The following NFX1 variants were observed in gnomAD, a reference collection of about 807,000 sequenced individuals.
NFX1 encodes the protein nuclear transcription factor, X-box binding 1.
Under a neutral mutation model 137.2 loss-of-function variants are expected in NFX1, and 69 were observed. The observed-to-expected ratio is 0.50, with a 90% CI of 0.41 to 0.61. The LOEUF (loss-of-function observed/expected upper bound fraction) is 0.61, where lower values mean the gene tolerates loss of function less well. Ranked by LOEUF, NFX1 falls within the 20% of genes least tolerant of loss-of-function variation. NFX1 has a pLI of 0.00. For missense variants in NFX1, 1,167 were observed against 1,391.0 expected (o/e 0.84, Z 2.56); for synonymous variants, 495 against 474.1 (o/e 1.04, Z -0.57).
At chr9:33,355,233 A>G (rs1484339097) in intron 19 of NFX1, among the ~76,000 whole-genome samples, 2 of 152,224 alleles carry the variant, frequency 1.3e-5, no homozygotes, top group Non-Finnish European at 2.9e-5. Context: ...TAGCATACAT[A>G]TTGAAGATTG....
intron 9 of NFX1, among the ~76,000 whole-genome samples, chr9:33,321,108 T>C (rs1009913134): frequency 1.3e-5 from 2 of 152,164 alleles, no homozygotes; most frequent in Non-Finnish European, 2.9e-5. Flanking sequence ...TTATAAGAAT[T>C]TCACATATAA....
intron 7 of NFX1, among the ~76,000 whole-genome samples, chr9:33,317,973 CAAAAAAAAA>C (rs5897542): frequency 1.4e-4 from 6 of 44,398 alleles, no homozygotes; most frequent in South Asian, 1.7e-3. Context: ...GACTCTGTCT[CAAAAAAAAA>C]AAAAAAAAAA....
intron 5 of NFX1, among the ~76,000 whole-genome samples, chr9:33,309,732 A>T (rs1821895914): frequency 6.6e-6 from 1 of 152,134 alleles, no homozygotes; most frequent in Non-Finnish European, 1.5e-5. Flanking sequence ...GGCTCAAGCG[A>T]TCCTCCCACC....
At chr9:33,325,648 A>G (rs1363741749) in intron 9 of NFX1, among the ~76,000 whole-genome samples, 2 of 152,114 alleles carry the variant, frequency 1.3e-5, no homozygotes, top group African/African-American at 2.4e-5. Flanking sequence ...TGGGCAACAG[A>G]GAGAGACTCT....
rs1192966386 is a variant in NFX1 at position 33,355,662 on chromosome 9, G to C, written c.2873+770G>C. The stretch of plus-strand genomic sequence containing the variant: ...AATTCTTTTTTTTTTTTTTTTTTTT[G>C]AGATGGAGTTTTTCTCTTGTCGCCT... On this transcript the variant is annotated intron_variant, in intron 19 of 23. Coordinates refer to ENST00000379540, the MANE Select transcript of NFX1 (RefSeq NM_002504.6). 1.1e-4 allele frequency among the ~76,000 whole-genome samples: 5 copies of C among 47,540 alleles called. No homozygotes were observed. The East Asian group carries it at 3.0e-3, about 29-fold the overall frequency. The allele number at this position is 47,540 out of a possible 152,430, so 31.2% of individuals were successfully genotyped here.
intron 2 of NFX1, among the ~76,000 whole-genome samples, chr9:33,297,227 T>C (rs1821388124): frequency 6.6e-6 from 1 of 152,206 alleles, no homozygotes; most frequent in Admixed American, 6.5e-5. Context: ...TAGCTCTTCC[T>C]CCTGGACCTT....
chr9:33,328,765 A>G (rs752750039), intron 10 of NFX1, 87 bp downstream of exon 10: 1 of 1,104,268 alleles, frequency 9.1e-7, no homozygotes, highest in Non-Finnish European at 1.4e-6. Context: ...AAATAACCTC[A>G]GTAGATTAGG....
Position 33,351,614 on chromosome 9 carries a change from A to G in NFX1, c.2479A>G (p.Ser827Gly). The G allele has an allele frequency of 6.2e-7, 1 of 1,614,238 alleles. No homozygotes were observed. Among genetic ancestry groups the G allele is most frequent in the Non-Finnish European group, 8.5e-7 (1 of 1,180,042 alleles). ...TGATATCTCTTGCGGATTACCCTGC[A>G]GTGCCACGCTACCATGTGGGATGCA... ...LVDISCGLPC[S>G]ATLPCGMHKC... The change falls in exon 16 of 24, where the codon AGT (serine) becomes GGT (glycine). Residue 827 changes from serine (S) to glycine (G), a missense_variant. Physicochemically the swap from Ser to Gly is moderately conservative, Grantham distance 56 (BLOSUM62 0). This residue lies in a region of NFX1 where 488 missense variants were observed against 691.5 expected (regional missense o/e 0.71). Transcript: ENST00000379540.
At chr9:33,301,826 C>A (rs1821578432) in intron 3 of NFX1, among the ~76,000 whole-genome samples, 4 of 152,190 alleles carry the variant, frequency 2.6e-5, no homozygotes, top group African/African-American at 9.6e-5. Flanking sequence ...AATCCCAGCG[C>A]TTTGGGAGGC....
At position 33,366,770 on chromosome 9, in the gene NFX1, A is replaced by C. The variant is rs369202003; in HGVS notation, c.3181A>C (p.Ile1061Leu). 2.4e-5 allele frequency: 39 copies of C among 1,613,632 alleles called. No homozygotes were observed. The highest frequency in any genetic ancestry group is 3.3e-5 in the Non-Finnish European group (39 of 1,179,712). Residue 1061 changes from isoleucine (I) to leucine (L), a missense_variant, in exon 22 of 24, where the codon ATC (isoleucine) becomes CTC (leucine). Physicochemically the swap from Ile to Leu is conservative, Grantham distance 5 (BLOSUM62 2). Coordinates refer to ENST00000379540, the MANE Select transcript of NFX1 (RefSeq NM_002504.6). ...EPKRNVVVTA[I>L]RGKSVCPPTT... The stretch of plus-strand genomic sequence containing the variant: ...GAAGCGCAATGTGGTGGTCACTGCC[A>C]TCAGGTAGGTCAATCCCGCCGTCAG...
At chr9:33,297,393 A>G (rs966885814) in intron 2 of NFX1, among the ~76,000 whole-genome samples, 6 of 152,230 alleles carry the variant, frequency 3.9e-5, no homozygotes, top group Non-Finnish European at 7.3e-5. Context: ...AAGCAAAGCA[A>G]TGTTATACCA....
At chr9:33,361,157 TAAAG>T (rs1823974215) in intron 19 of NFX1, among the ~76,000 whole-genome samples, 1 of 152,052 alleles carries the variant, frequency 6.6e-6, no homozygotes, top group Non-Finnish European at 1.5e-5. Flanking sequence ...GAGGAACTGT[TAAAG>T]AAACCTAAAT....
chr9:33,294,279 C>T (rs1326184551), intron 1 of NFX1, 141 bp from the exon 2 acceptor site: 1 of 774,140 alleles, frequency 1.3e-6, no homozygotes, highest in Admixed American at 2.8e-5. Flanking sequence ...CCATCACCTT[C>T]ACTGGAAACA....
chr9:33,301,562 T>A, intron 3 of NFX1, 141 bp downstream of exon 3: 2 of 747,104 alleles, frequency 2.7e-6, no homozygotes, highest in Non-Finnish European at 4.1e-6. Flanking sequence ...GATCATGTGT[T>A]TCATATGACC....
rs189742286 is a variant in NFX1, at chr9:33,291,130, A to G, written c.25+533A>G. 4.2e-3 allele frequency among the ~76,000 whole-genome samples: 640 copies of G among 152,222 alleles called. 6 individuals are homozygous for G. Among genetic ancestry groups the G allele is most frequent in the Non-Finnish European group, 2.9e-3 (200 of 68,004 alleles). ...ATGGCTCCCGCCCTGTACTGTACCTATTCTGTAATTGTTCACTCACTCCCC... is the reference window on the plus strand; with the variant it reads ...ATGGCTCCCGCCCTGTACTGTACCTGTTCTGTAATTGTTCACTCACTCCCC... On this transcript the variant is annotated intron_variant, in intron 1 of 23. Coordinates refer to ENST00000379540, the MANE Select transcript of NFX1 (RefSeq NM_002504.6).
intron 1 of NFX1, 151 bp downstream of exon 1, chr9:33,290,748 C>T: frequency 2.8e-6 from 2 of 710,474 alleles, no homozygotes; most frequent in Non-Finnish European, 4.5e-6. Context: ...CCCCGCGCAT[C>T]GTGCGTACGA....
Position 33,294,875 on chromosome 9 carries a change from G to T in NFX1, c.481G>T (p.Ala161Ser), listed in dbSNP as rs1373325100. ...PSESEKEVVG[A>S]DPRGAKPKKA... ...TGAGAGTGAGAAGGAAGTTGTGGGT[G>T]CAGATCCCAGGGGAGCAAAACCCAA... Residue 161 changes from alanine (A) to serine (S), a missense_variant, in exon 2 of 24, where the codon GCA becomes TCA. Physicochemically the swap from Ala to Ser is moderately conservative, Grantham distance 99. Around this residue, in one of 3 missense-constraint regions of NFX1, gnomAD observed 367 missense variants for 386.7 expected, o/e 0.95. Transcript: ENST00000379540. 4 of 1,614,022 alleles carry T rather than the reference G, an allele frequency of 2.5e-6. No homozygotes were observed. The South Asian group carries it at 4.4e-5, about 18-fold the overall frequency.
At chr9:33,302,547 C>T (rs115725685) in intron 3 of NFX1, among the ~76,000 whole-genome samples, 1,809 of 149,936 alleles carry the variant, frequency 0.012, 40 homozygotes, top group African/African-American at 0.038. Flanking sequence ...TTTTTTGAGA[C>T]GGTCTGCTGT....
intron 11 of NFX1, among the ~76,000 whole-genome samples, chr9:33,336,273 T>C (rs1822998981): frequency 6.6e-6 from 1 of 152,228 alleles, no homozygotes; most frequent in South Asian, 2.1e-4. Flanking sequence ...TGGAGTGCTG[T>C]GGCGCTATCT....
Sources: gnomAD v4.1 joint callset for allele counts (sites outside exome capture counted in the v4.1 genomes callset) on GRCh38, gnomAD v4.1.1 for gene constraint, gnomAD v4.1.1 regional missense constraint, MANE v1.5 for transcripts, NCBI Gene and HGNC (gene_info 2026-07-23, HGNC 2026-07-21) for gene names.